The following TUBGCP4 variants were observed in gnomAD, a reference collection of about 807,000 sequenced individuals.
TUBGCP4 encodes tubulin gamma complex component 4.
Under a neutral mutation model 91.6 loss-of-function variants are expected in TUBGCP4, and 54 were observed. That is an observed-to-expected ratio of 0.59 (90% CI 0.47 to 0.74). The LOEUF is 0.74. TUBGCP4 is among the 30% of genes least tolerant of loss of function. TUBGCP4 has a pLI of 0.00. For missense variants in TUBGCP4, 593 were observed against 800.9 expected (o/e 0.74, Z 3.13); for synonymous variants, 297 against 302.8 (o/e 0.98, Z 0.20).
At chr15:43,399,102 G>A in intron 13 of TUBGCP4, 3 of 1,272,176 alleles carry the variant, frequency 2.4e-6, no homozygotes, top group South Asian at 1.3e-5. Context: ...CATTATGTTT[G>A]TTCCTTTAGA....
rs1225409026 is a variant in TUBGCP4, at chr15:43,395,291, G to GCAA, written c.1065+135_1065+137dup. On this transcript the variant is annotated intron_variant, in intron 10 of 17. Transcript: ENST00000564079. The stretch of plus-strand genomic sequence containing the variant: ...AACTCATTTGTTCTTATCCAAGTGA[G>GCAA]CAAACTATACCTAATGCCACAAATC... 52 of 983,616 alleles carry GCAA rather than the reference G, an allele frequency of 5.3e-5. 1 individual carries two copies. The highest frequency in any genetic ancestry group is 1.8e-4 in the Admixed American group (10 of 54,198). The allele number at this position is 983,616 out of a possible 1,614,324, so 60.9% of individuals were successfully genotyped here. A position where few individuals can be genotyped will look rare whatever the true frequency, so the allele number is the denominator to read the frequency against.
rs957353185 is a variant in TUBGCP4, at chr15:43,409,180, C to T, written c.*3966C>T. On this transcript the variant is annotated 3_prime_UTR_variant, in exon 18 of 18. Coordinates refer to ENST00000564079, the MANE Select transcript of TUBGCP4 (RefSeq NM_014444.5). ...AGCAGCCATAATGAGCCATGAAGAG[C>T]AGATCTGAAGACTCCCAACTACTAC... The T allele has an allele frequency of 1.8e-5, 24 of 1,333,170 alleles. No homozygotes were observed. Among genetic ancestry groups the T allele is most frequent in the African/African-American group, 2.9e-5 (2 of 69,394 alleles). 82.6% of individuals were successfully genotyped at this position (1,333,170 alleles called of 1,614,324 possible). A position where few individuals can be genotyped will look rare whatever the true frequency, so the allele number is the denominator to read the frequency against.
At chr15:43,399,083 C>G (rs1566900997) in intron 13 of TUBGCP4, 1 of 1,224,774 alleles carries the variant, frequency 8.2e-7, no homozygotes, top group Non-Finnish European at 1.1e-6. Context: ...CAAACAAGGT[C>G]TATCATTTCA....
intron 1 of TUBGCP4, among the ~76,000 whole-genome samples, chr15:43,374,079 C>G (rs1025201158): frequency 2.6e-5 from 4 of 152,120 alleles, no homozygotes; most frequent in African/African-American, 9.7e-5. Flanking sequence ...GACTTGGTAA[C>G]AGAAAAATTC....
chr15:43,392,195 T>C (rs975440058), intron 9 of TUBGCP4, among the ~76,000 whole-genome samples: 1 of 151,824 alleles, frequency 6.6e-6, no homozygotes, highest in African/African-American at 2.4e-5. Flanking sequence ...TTCGTGTTTT[T>C]TTTTTTACTC....
intron 14 of TUBGCP4, 86 bp downstream of exon 14, chr15:43,400,307 T>C: frequency 1.9e-6 from 2 of 1,066,362 alleles, no homozygotes; most frequent in Non-Finnish European, 2.7e-6. Context: ...GACTACAAGT[T>C]TCTATTTGAT....
At chr15:43,387,304 G>C (rs1370667728) in intron 9 of TUBGCP4, among the ~76,000 whole-genome samples, 4 of 152,090 alleles carry the variant, frequency 2.6e-5, no homozygotes, top group Admixed American at 1.3e-4. Context: ...ATTGTGACCA[G>C]TAATTTTTCA....
chr15:43,382,957 C>T (rs1474252567), intron 6 of TUBGCP4, among the ~76,000 whole-genome samples: 2 of 152,090 alleles, frequency 1.3e-5, no homozygotes, highest in Non-Finnish European at 2.9e-5. Context: ...AAAGAGACTC[C>T]ATTAAGTCGA....
intron 9 of TUBGCP4, among the ~76,000 whole-genome samples, chr15:43,392,522 G>A (rs1039760505): frequency 4.6e-5 from 7 of 151,966 alleles, no homozygotes; most frequent in East Asian, 1.9e-4. Flanking sequence ...GTTTTGAGAC[G>A]GAGTTTTGCT....
intron 7 of TUBGCP4, among the ~76,000 whole-genome samples, chr15:43,385,036 A>G (rs2044333995): frequency 6.6e-6 from 1 of 152,248 alleles, no homozygotes; most frequent in African/African-American, 2.4e-5. Flanking sequence ...TTCTGCCTTC[A>G]GCAGCTGGGC....
At chr15:43,384,958 G>A (rs1345002992) in intron 7 of TUBGCP4, among the ~76,000 whole-genome samples, 3 of 152,172 alleles carry the variant, frequency 2.0e-5, no homozygotes, top group Non-Finnish European at 4.4e-5. Context: ...TTTAGAGGGT[G>A]GAATCAGTAG....
In TUBGCP4 at chr15:43,398,139, T is replaced by A. The variant is rs2044612647; in HGVS notation, c.1378T>A (p.Trp460Arg). The A allele has an allele frequency of 6.2e-7, 1 of 1,614,078 alleles. No individual in the cohort carries two copies. ...CCTAGGTCTTTCCTACAAAGTACAG[T>A]GGCCACTACATATTCTCTTCACCCC... Reference protein sequence around the residue: ...AALGLSYKVQWPLHILFTPAV... With the variant: ...AALGLSYKVQRPLHILFTPAV... The change falls in exon 13 of 18, where the codon TGG becomes AGG. Residue 460 changes from tryptophan (W) to arginine (R), a missense_variant. Trp to Arg is a moderately radical substitution (Grantham distance 101). Transcript: ENST00000564079.
At chr15:43,394,873 A>T in intron 9 of TUBGCP4, 1 of 517,344 alleles carries the variant, frequency 1.9e-6, no homozygotes, top group East Asian at 3.4e-5. Flanking sequence ...CTTCCTGTGC[A>T]GCCTGCAGAA....
intron 7 of TUBGCP4, chr15:43,385,436 T>C (rs954787079): frequency 2.8e-5 from 13 of 463,304 alleles, no homozygotes; most frequent in African/African-American, 4.0e-5. Flanking sequence ...GACAGTGCCC[T>C]GAGGAGCACC....
At chr15:43,394,078 TC>T (rs1200793634) in intron 9 of TUBGCP4, 10 of 128,488 alleles carry the variant, frequency 7.8e-5, no homozygotes, top group South Asian at 2.6e-4. Context: ...AAATATTTTC[TC>T]ACTATTTTTT....
intron 7 of TUBGCP4, among the ~76,000 whole-genome samples, chr15:43,385,104 G>A (rs563164007): frequency 1.3e-4 from 20 of 152,252 alleles, no homozygotes; most frequent in East Asian, 3.9e-4. Context: ...TGGGTCTAAT[G>A]GGGGGCATGT....
chr15:43,397,979 C>G, intron 12 of TUBGCP4, 62 bp from the exon 13 acceptor site: 2 of 1,530,784 alleles, frequency 1.3e-6, no homozygotes, highest in Admixed American at 2.0e-5. Context: ...CTTGTTGAGT[C>G]TCTGGTTCTA....
intron 17 of TUBGCP4, 43 bp downstream of exon 17, chr15:43,404,595 G>A (rs998985608): frequency 1.2e-6 from 2 of 1,600,458 alleles, no homozygotes; most frequent in African/African-American, 1.3e-5. Context: ...TTTTAAGGTG[G>A]CTTTTTAATG....
intron 9 of TUBGCP4, among the ~76,000 whole-genome samples, chr15:43,389,080 G>C (rs1222187334): frequency 1.3e-5 from 2 of 152,178 alleles, no homozygotes. Flanking sequence ...TCCATTTCTT[G>C]ATCTGGGTGC....
Sources: gnomAD v4.1 joint callset for allele counts (sites outside exome capture counted in the v4.1 genomes callset) on GRCh38, gnomAD v4.1.1 for gene constraint, MANE v1.5 for transcripts, NCBI Gene and HGNC (gene_info 2026-07-23, HGNC 2026-07-21) for gene names.